Variants in CSMD1 observed in about 807,000 individuals in gnomAD.
CSMD1 encodes the protein CUB and sushi domain-containing protein 1.
Under a neutral mutation model 417.5 loss-of-function variants are expected in CSMD1, and 213 were observed. That is an observed-to-expected ratio of 0.51 (90% CI 0.46 to 0.57). CSMD1 has a LOEUF of 0.57. Ranked by LOEUF, CSMD1 falls within the 20% of genes least tolerant of loss-of-function variation. The pLI, the probability that CSMD1 is intolerant of heterozygous loss-of-function variation, is 0.00. For missense variants in CSMD1, 6,923 were observed against 4,529.7 expected (o/e 1.53, Z -15.17); for synonymous variants, 2,862 against 1,736.8 (o/e 1.65, Z -16.11).
chr8:4,689,066 G>C (rs929739433), intron 1 of CSMD1, among the ~76,000 whole-genome samples: 1 of 152,152 alleles, frequency 6.6e-6, no homozygotes, highest in Non-Finnish European at 1.5e-5. Context: ...CTTTATTCAA[G>C]AGTGAATACA....
At chr8:4,447,552 G>T (rs997839493) in intron 2 of CSMD1, among the ~76,000 whole-genome samples, 1 of 152,126 alleles carries the variant, frequency 6.6e-6, no homozygotes. Context: ...AGATAACAGA[G>T]TAACACTACA....
chr8:4,401,681 G>C (rs563195286), intron 3 of CSMD1, among the ~76,000 whole-genome samples: 1 of 151,996 alleles, frequency 6.6e-6, no homozygotes, highest in Admixed American at 6.6e-5. Flanking sequence ...CCAAATACCG[G>C]AAAAACTCAC....
At chr8:3,909,453 G>C (rs1808314000) in intron 5 of CSMD1, among the ~76,000 whole-genome samples, 1 of 152,140 alleles carries the variant, frequency 6.6e-6, no homozygotes, top group South Asian at 2.1e-4. Context: ...AGAACACACG[G>C]CGTGCTCCTG....
At chr8:4,112,013 A>G (rs755803018) in intron 3 of CSMD1, among the ~76,000 whole-genome samples, 1 of 151,584 alleles carries the variant, frequency 6.6e-6, no homozygotes, top group Non-Finnish European at 1.5e-5. Context: ...AGTCTTTTAA[A>G]TGACATGAAA....
intron 23 of CSMD1, among the ~76,000 whole-genome samples, chr8:3,334,601 C>A (rs559621366): frequency 2.6e-4 from 39 of 152,312 alleles, no homozygotes; most frequent in African/African-American, 9.1e-4. Context: ...CCACAGGCTA[C>A]GTTGTAATGT....
At chr8:3,852,929 C>G (rs1804016347) in intron 5 of CSMD1, among the ~76,000 whole-genome samples, 1 of 152,196 alleles carries the variant, frequency 6.6e-6, no homozygotes, top group Admixed American at 6.5e-5. Flanking sequence ...ATCCCACCTT[C>G]CTCACTAAAT....
chr8:4,669,270 G>C (rs1259561751), intron 1 of CSMD1, among the ~76,000 whole-genome samples: 1 of 152,016 alleles, frequency 6.6e-6, no homozygotes, highest in East Asian at 1.9e-4. Context: ...TTTTACCTCT[G>C]TTATCGTTTA....
chr8:2,947,228 T>C (rs2128916822), intron 68 of CSMD1, among the ~76,000 whole-genome samples: 1 of 152,344 alleles, frequency 6.6e-6, no homozygotes, highest in Middle Eastern at 3.4e-3. Context: ...TTGAGTTTCT[T>C]ACGCAAGTTT....
chr8:4,271,738 T>C (rs549460185), intron 3 of CSMD1, among the ~76,000 whole-genome samples: 3 of 152,280 alleles, frequency 2.0e-5, no homozygotes, highest in African/African-American at 7.2e-5. Flanking sequence ...TGTATATGAT[T>C]AATATACTTA....
intron 2 of CSMD1, among the ~76,000 whole-genome samples, chr8:4,539,328 A>G (rs147066862): frequency 1.3e-5 from 2 of 152,324 alleles, no homozygotes; most frequent in African/African-American, 4.8e-5. Context: ...TTTTCAGTCT[A>G]AATAGACTTC....
chr8:4,617,339 G>C (rs1387696661), intron 2 of CSMD1, among the ~76,000 whole-genome samples: 2 of 152,078 alleles, frequency 1.3e-5, no homozygotes, highest in Non-Finnish European at 2.9e-5. Context: ...GTTTAAATTA[G>C]AAAACGGAAT....
At chr8:4,619,195 C>A (rs923510904) in intron 2 of CSMD1, among the ~76,000 whole-genome samples, 1 of 152,050 alleles carries the variant, frequency 6.6e-6, no homozygotes, top group African/African-American at 2.4e-5. Context: ...GGCAGAATGT[C>A]TACATTTTTT....
chr8:4,350,382 T>A (rs1372717255), intron 3 of CSMD1, among the ~76,000 whole-genome samples: 1 of 152,148 alleles, frequency 6.6e-6, no homozygotes, highest in African/African-American at 2.4e-5. Context: ...AATAGTGTTA[T>A]AAATGAAATG....
rs373404828 is a variant in CSMD1, at chr8:4,478,315, C to G, written c.303-58250G>C. On this transcript the variant is annotated intron_variant, in intron 2 of 69. Coordinates refer to ENST00000635120, the MANE Select transcript of CSMD1 (RefSeq NM_033225.6). ...AGCAACTCAAAGCAACATGAGTTGC[C>G]TCATGTGACAGTTTAATTTATTTTT... Among the ~76,000 whole-genome samples the G allele has an allele frequency of 2.1e-3, 316 of 152,194 alleles. 1 individual carries two copies. Among genetic ancestry groups the G allele is most frequent in the African/African-American group, 7.2e-3 (301 of 41,530 alleles).
intron 3 of CSMD1, among the ~76,000 whole-genome samples, chr8:4,283,658 G>C (rs77568247): frequency 2.0e-5 from 3 of 152,094 alleles, no homozygotes; most frequent in Admixed American, 1.3e-4. Flanking sequence ...AAACCCAACA[G>C]ACACACCTCA....
At chr8:3,393,788 A>G (rs569379356) in intron 17 of CSMD1, among the ~76,000 whole-genome samples, 1 of 151,532 alleles carries the variant, frequency 6.6e-6, no homozygotes, top group Admixed American at 6.6e-5. Flanking sequence ...GAATTGAACA[A>G]TGAGAACACA....
At chr8:4,626,117 C>T (rs1365330325) in intron 2 of CSMD1, among the ~76,000 whole-genome samples, 2 of 152,236 alleles carry the variant, frequency 1.3e-5, no homozygotes, top group South Asian at 2.1e-4. Context: ...ATGTATAGAC[C>T]ATGAGAAACA....
chr8:3,645,047 G>A (rs558126787), intron 7 of CSMD1, among the ~76,000 whole-genome samples: 5 of 145,350 alleles, frequency 3.4e-5, no homozygotes, highest in African/African-American at 5.3e-5. Context: ...CTCCTCATCT[G>A]CCTCATGAAG....
At chr8:4,921,673 T>C (rs1243289207) in intron 1 of CSMD1, among the ~76,000 whole-genome samples, 3 of 152,168 alleles carry the variant, frequency 2.0e-5, no homozygotes, top group African/African-American at 7.2e-5. Context: ...GATGGGTGTG[T>C]GTGTGTCGGT....
Sources: allele counts gnomAD v4.1 joint callset (sites outside exome capture counted in the v4.1 genomes callset), GRCh38; gene constraint gnomAD v4.1.1; transcripts MANE v1.5; gene names NCBI Gene and HGNC (gene_info 2026-07-23, HGNC 2026-07-21).